NAA38: variants seen among roughly 807,000 people sequenced by gnomAD.
NAA38 encodes the protein LSM domain containing 1.
A neutral mutation model predicts 12.6 loss-of-function variants in NAA38; 15 were observed. The ratio of observed to expected loss-of-function variants is 1.19; its 90% CI spans 0.79 to 1.83. NAA38 has a LOEUF of 1.83. Among genes scored for constraint, NAA38 ranks in the 40% most tolerant of loss-of-function variants. The pLI, the probability that NAA38 is intolerant of heterozygous loss-of-function variation, is 0.00. For missense variants in NAA38, 183 were observed against 171.7 expected (o/e 1.07, Z -0.37); for synonymous variants, 88 against 69.9 (o/e 1.26, Z -1.29).
At chr17:7,880,556 A>G (rs926853019) in intron 2 of NAA38, among the ~76,000 whole-genome samples, 12 of 152,154 alleles carry the variant, frequency 7.9e-5, no homozygotes, top group African/African-American at 2.9e-4. Flanking sequence ...TAGGAGGAAG[A>G]CAAACTTCTT....
chr17:7,874,885 CAAAAAAAAAAAAA>C (rs35962141), intron 2 of NAA38, among the ~76,000 whole-genome samples: 78 of 45,492 alleles, frequency 1.7e-3, no homozygotes, highest in African/African-American at 5.3e-3. Context: ...AACTCCATCT[CAAAAAAAAAAAAA>C]AAAAAAAAAA....
At chr17:7,882,023 G>GGAGA (rs763223199) in intron 2 of NAA38, among the ~76,000 whole-genome samples, 3 of 151,386 alleles carry the variant, frequency 2.0e-5, no homozygotes, top group Non-Finnish European at 4.4e-5. Flanking sequence ...CAAGAGGTCA[G>GGAGA]GAGAGAGAGA....
chr17:7,857,063 C>T lies in NAA38; in HGVS notation c.217G>A (p.Asp73Asn), dbSNP rs1199133724. 1.9e-6 allele frequency: 3 copies of T among 1,613,368 alleles called. No homozygotes were observed. The highest frequency in any genetic ancestry group is 1.1e-5 in the South Asian group (1 of 91,076). The change falls in exon 2 of 3, where the codon GAC (aspartate) becomes AAC (asparagine). Residue 73 changes from aspartate to asparagine, a missense_variant. Transcript: ENST00000575771. ...LVGCFLCTDR[D>N]CNVILGSAQE... ...GCCGAGCCCAGGATGACATTGCAGT[C>T]ACGGTCAGTGCAGAGGAAGCAGCCG...
Position 7,856,774 on chromosome 17 carries a change from AT to A in NAA38, c.334del (p.Ile112LeufsTer8). On this transcript the variant is annotated frameshift_variant, in exon 3 of 3. Transcript: ENST00000575771. LOFTEE classifies it high-confidence loss of function. ...GGTCAGACTCTCCCTCTGCACCTCA[AT>A]GGAAACGATGTGGTGTCCGGGTACC... ...AMVPGHHIVS[I>X]EVQRESLTGP... The A allele has an allele frequency of 6.2e-7, 1 of 1,614,054 alleles. No homozygotes were observed. The highest frequency in any genetic ancestry group is 8.5e-7 in the Non-Finnish European group (1 of 1,180,022).
At chr17:7,857,784 G>T, upstream of NAA38, 5 of 1,294,976 alleles carry the variant, frequency 3.9e-6, no homozygotes, top group Non-Finnish European at 4.9e-6. Flanking sequence ...CTGTCTCAGA[G>T]AGATAGTCTG....
chr17:7,868,347 A>G (rs1407218286), intron 2 of NAA38, among the ~76,000 whole-genome samples: 1 of 152,246 alleles, frequency 6.6e-6, no homozygotes, highest in Non-Finnish European at 1.5e-5. Context: ...CCATGGATTC[A>G]GCAAACAGCA....
At chr17:7,866,251 TAA>T (rs1485771406) in intron 3 of NAA38, among the ~76,000 whole-genome samples, 2 of 122,004 alleles carry the variant, frequency 1.6e-5, no homozygotes, top group African/African-American at 6.8e-5. Flanking sequence ...CAAGCCCGGC[TAA>T]TTTTTTTTTT....
chr17:7,860,469 G>A (rs947855193), upstream of NAA38: 5 of 152,090 alleles, frequency 3.3e-5, no homozygotes, highest in East Asian at 1.9e-4. Context: ...TTACAGATAA[G>A]TCCTTCGAAA....
exon 3 of NAA38, chr17:7,866,517 C>A: frequency 1.6e-6 from 2 of 1,231,510 alleles, no homozygotes; most frequent in Non-Finnish European, 2.0e-6. Flanking sequence ...AGATTTGGCT[C>A]TTTCAGGCTC....
chr17:7,857,719 G>C (rs188467721), upstream of NAA38: 44 of 1,296,722 alleles, frequency 3.4e-5, no homozygotes, highest in South Asian at 9.0e-4. Flanking sequence ...ACATCCTTTA[G>C]AAACTGGAAT....
At chr17:7,859,365 G>T (rs1281847296), upstream of NAA38, 1 of 1,605,436 alleles carries the variant, frequency 6.2e-7, no homozygotes, top group Non-Finnish European at 8.5e-7. Context: ...GGGGTGGGGT[G>T]CTTCTGTGTT....
At chr17:7,868,640 G>T (rs115550049) in intron 2 of NAA38, among the ~76,000 whole-genome samples, 202 of 152,238 alleles carry the variant, frequency 1.3e-3, no homozygotes, top group African/African-American at 4.7e-3. Context: ...ATGGGAACCT[G>T]CCCAGCACTA....
chr17:7,885,084 G>T (rs1427084835), intron 1 of NAA38: 1 of 973,118 alleles, frequency 1.0e-6, no homozygotes, highest in African/African-American at 1.9e-5. Flanking sequence ...CCGCCGCCAG[G>T]TAAGCGCCCG....
intron 2 of NAA38, among the ~76,000 whole-genome samples, chr17:7,882,686 T>TA (rs566866454): frequency 2.1e-4 from 31 of 148,476 alleles, no homozygotes; most frequent in Non-Finnish European, 3.0e-4. Context: ...AAGGCCAGGT[T>TA]AAAAAAAAAA....
At chr17:7,882,084 G>T (rs1259552851) in intron 2 of NAA38, among the ~76,000 whole-genome samples, 1 of 152,116 alleles carries the variant, frequency 6.6e-6, no homozygotes, top group African/African-American at 2.4e-5. Flanking sequence ...GGATGAGAGG[G>T]AGAATAAGGC....
At chr17:7,882,587 A>G (rs74252295) in intron 2 of NAA38, among the ~76,000 whole-genome samples, 12,202 of 152,142 alleles carry the variant, frequency 0.08, 776 homozygotes, top group East Asian at 0.38. Flanking sequence ...AAAGAAGACA[A>G]GAGAGCAAAA....
Position 7,856,706 on chromosome 17 carries a change from G to C in NAA38, c.*25C>G. On this transcript the variant is annotated 3_prime_UTR_variant, in exon 3 of 3. Coordinates refer to ENST00000575771, the MANE Select transcript of NAA38 (RefSeq NM_001320925.4). ...CCCATTCGGTCATAAGTTTAATGAA[G>C]TCTGAAAGGTAAGCGCCATCGTGGT... 3 of 1,582,880 alleles carry C rather than the reference G, an allele frequency of 1.9e-6. No individual in the cohort carries two copies. The highest frequency in any genetic ancestry group is 2.6e-6 in the Non-Finnish European group (3 of 1,151,942).
intron 2 of NAA38, among the ~76,000 whole-genome samples, chr17:7,874,932 C>A (rs28712472): frequency 0.084 from 12,407 of 147,184 alleles, 824 homozygotes; most frequent in East Asian, 0.24. Context: ...TGGTGGCTCA[C>A]ACCTGTAATC....
At chr17:7,874,091 G>A (rs1052550060) in intron 2 of NAA38, among the ~76,000 whole-genome samples, 1 of 152,170 alleles carries the variant, frequency 6.6e-6, no homozygotes, top group Admixed American at 6.5e-5. Flanking sequence ...CCAAGACAGT[G>A]GCAGGAGCAT....
Sources: allele counts gnomAD v4.1 joint callset (sites outside exome capture counted in the v4.1 genomes callset), GRCh38; gene constraint gnomAD v4.1.1; transcripts MANE v1.5; gene names NCBI Gene and HGNC (gene_info 2026-07-23, HGNC 2026-07-21).